Variants in DGKB observed in about 807,000 individuals in gnomAD.
DGKB encodes 90 kDa diacylglycerol kinase.
Under a neutral mutation model 114.3 loss-of-function variants are expected in DGKB, and 67 were observed. That is an observed-to-expected ratio of 0.59 (90% CI 0.48 to 0.72). DGKB has a LOEUF of 0.72. Ranked by LOEUF, DGKB falls within the 30% of genes least tolerant of loss-of-function variation. The pLI, the probability that DGKB is intolerant of heterozygous loss-of-function variation, is 0.00. For missense variants in DGKB, 907 were observed against 975.2 expected, an observed-to-expected ratio of 0.93 and a Z score of 0.93; for synonymous variants, 398 against 323.1, an observed-to-expected ratio of 1.23 and a Z score of -2.49.
intron 1 of DGKB, among the ~76,000 whole-genome samples, chr7:14,891,415 C>T (rs1287063084): frequency 6.6e-6 from 1 of 151,298 alleles, no homozygotes; most frequent in Non-Finnish European, 1.5e-5. Flanking sequence ...AATGTTCAAA[C>T]CACTGGAAAA....
intron 1 of DGKB, among the ~76,000 whole-genome samples, chr7:14,959,776 A>G (rs1301428050): frequency 1.3e-5 from 2 of 151,898 alleles, no homozygotes; most frequent in Middle Eastern, 3.2e-3. Flanking sequence ...AAAAAAAAAA[A>G]AGGCAGTTTT....
intron 20 of DGKB, among the ~76,000 whole-genome samples, chr7:14,515,191 A>G (rs546722506): frequency 1.3e-5 from 2 of 152,318 alleles, no homozygotes; most frequent in South Asian, 2.1e-4. Flanking sequence ...AAAATCAAAT[A>G]AAAATAAAAA....
chr7:14,785,618 A>C lies in DGKB; in HGVS notation c.71-27887T>G, dbSNP rs549404758. 5.9e-5 allele frequency among the ~76,000 whole-genome samples: 9 copies of C among 152,342 alleles called. No individual in the cohort carries two copies. In the South Asian group the frequency reaches 1.9e-3, roughly 32 times the overall value. Reference sequence around the variant, plus strand: ...TAAAAATTCAAGACCACCTGCATCAAAAACATGTGGGAGAAAGCACATAAC... The same window carrying C: ...TAAAAATTCAAGACCACCTGCATCACAAACATGTGGGAGAAAGCACATAAC... On this transcript the variant is annotated intron_variant, in intron 2 of 25. Coordinates refer to ENST00000402815, the MANE Select transcript of DGKB (RefSeq NM_001350709.2).
At chr7:14,779,478 G>A (rs1838744359) in intron 2 of DGKB, among the ~76,000 whole-genome samples, 2 of 152,282 alleles carry the variant, frequency 1.3e-5, no homozygotes, top group South Asian at 4.1e-4. Context: ...TGAGGCTGCA[G>A]TGAGGCAAGA....
At chr7:14,602,407 A>G (rs538114973) in intron 17 of DGKB, among the ~76,000 whole-genome samples, 1 of 152,294 alleles carries the variant, frequency 6.6e-6, no homozygotes, top group South Asian at 2.1e-4. Context: ...CCAGAATGCT[A>G]TGGTTTGAAC....
At chr7:14,194,401 G>C (rs960487091) in intron 23 of DGKB, among the ~76,000 whole-genome samples, 2 of 152,114 alleles carry the variant, frequency 1.3e-5, no homozygotes, top group Non-Finnish European at 2.9e-5. Flanking sequence ...GTGACAACAT[G>C]GATGAACCTG....
intron 13 of DGKB, among the ~76,000 whole-genome samples, chr7:14,641,752 A>G (rs1811848122): frequency 6.6e-6 from 1 of 152,076 alleles, no homozygotes; most frequent in South Asian, 2.1e-4. Context: ...TTGATCACTG[A>G]AAATTTAACA....
Position 14,918,665 on chromosome 7 carries a change from G to C in DGKB, c.-188+56031C>G, listed in dbSNP as rs141778517. Among the ~76,000 whole-genome samples the C allele has an allele frequency of 8.9e-4, 135 of 152,232 alleles. 2 individuals carry two copies. The highest frequency in any genetic ancestry group is 3.2e-3 in the African/African-American group (133 of 41,550). On this transcript the variant is annotated intron_variant, in intron 1 of 4. Transcript: ENST00000437998. The stretch of plus-strand genomic sequence containing the variant: ...ATCCATAGTAGGAATATTCAATATT[G>C]TTTTGATGTCAATATTGATCTATAT...
chr7:14,193,456 C>G (rs1007097142), intron 23 of DGKB, among the ~76,000 whole-genome samples: 2 of 152,242 alleles, frequency 1.3e-5, no homozygotes, highest in South Asian at 4.1e-4. Context: ...AAAAAGTAGT[C>G]TCTTCAATAA....
chr7:14,649,669 C>T (rs1241235735), intron 13 of DGKB, among the ~76,000 whole-genome samples: 3 of 146,414 alleles, frequency 2.0e-5, no homozygotes, highest in African/African-American at 7.7e-5. Flanking sequence ...TGTAAATGGA[C>T]AAAATGCTCC....
intron 20 of DGKB, among the ~76,000 whole-genome samples, chr7:14,555,943 C>T (rs1795804719): frequency 6.6e-6 from 1 of 152,190 alleles, no homozygotes; most frequent in Non-Finnish European, 1.5e-5. Flanking sequence ...AATGGGCAAC[C>T]AGCAGCCCTT....
intron 2 of DGKB, among the ~76,000 whole-genome samples, chr7:14,771,782 C>G (rs908617381): frequency 6.7e-6 from 1 of 149,114 alleles, no homozygotes; most frequent in Non-Finnish European, 1.5e-5. Flanking sequence ...ATAGAGAATC[C>G]CCTTCCCCCT....
chr7:14,649,275 C>T (rs1041638373), intron 13 of DGKB, among the ~76,000 whole-genome samples: 9 of 151,362 alleles, frequency 5.9e-5, no homozygotes, highest in South Asian at 2.1e-4. Flanking sequence ...AAGGGAAGCC[C>T]ATCAGACTAA....
intron 13 of DGKB, among the ~76,000 whole-genome samples, chr7:14,645,783 G>A (rs140402593): frequency 3.2e-3 from 485 of 151,860 alleles, no homozygotes; most frequent in African/African-American, 0.011. Flanking sequence ...TCTCAGACAA[G>A]CAAAAACTGA....
At chr7:14,937,131 T>C (rs979191390) in intron 1 of DGKB, among the ~76,000 whole-genome samples, 31 of 152,004 alleles carry the variant, frequency 2.0e-4, no homozygotes, top group Non-Finnish European at 1.0e-4. Context: ...GTCCATGTAA[T>C]ACATGTCTTC....
chr7:14,723,682 T>G (rs1407601329), intron 5 of DGKB, among the ~76,000 whole-genome samples: 1 of 152,110 alleles, frequency 6.6e-6, no homozygotes, highest in African/African-American at 2.4e-5. Context: ...TATTAGTCTT[T>G]TAGGAATAAT....
chr7:14,849,950 C>A (rs553649283), intron 1 of DGKB, among the ~76,000 whole-genome samples: 1 of 152,116 alleles, frequency 6.6e-6, no homozygotes, highest in South Asian at 2.1e-4. Context: ...TCTGAGGAGA[C>A]GAGTTCTTAT....
chr7:14,280,155 A>G (rs1799714977), intron 23 of DGKB, among the ~76,000 whole-genome samples: 1 of 151,910 alleles, frequency 6.6e-6, no homozygotes, highest in Non-Finnish European at 1.5e-5. Flanking sequence ...CAATACAGAG[A>G]AGTGCTTAAA....
chr7:14,294,018 T>A (rs1406802469), intron 23 of DGKB, among the ~76,000 whole-genome samples: 2 of 152,304 alleles, frequency 1.3e-5, no homozygotes, highest in Admixed American at 6.5e-5. Context: ...TCGGCTAAAA[T>A]CAAAGTGTTG....
Sources: allele counts gnomAD v4.1 joint callset (sites outside exome capture counted in the v4.1 genomes callset), GRCh38; gene constraint gnomAD v4.1.1; transcripts MANE v1.5; gene names NCBI Gene and HGNC (gene_info 2026-07-23, HGNC 2026-07-21).